The following VAMP1 variants were observed in gnomAD, a reference collection of about 807,000 sequenced individuals.
The protein encoded by VAMP1 is vesicle associated membrane protein 1.
A neutral mutation model predicts 19.1 loss-of-function variants in VAMP1; 16 were observed. The observed-to-expected ratio is 0.84, with a 90% CI of 0.57 to 1.27. The LOEUF is 1.27. Among genes scored for constraint, VAMP1 ranks in the 50% most tolerant of loss-of-function variants. The pLI is 0.00. For synonymous variants in VAMP1, 37 were observed against 50.2 expected (o/e 0.74, Z 1.11); for missense variants, 109 against 145.4 (o/e 0.75, Z 1.29).
At chr12:6,469,675 C>T (rs745550450) in intron 1 of VAMP1, among the ~76,000 whole-genome samples, 2 of 152,128 alleles carry the variant, frequency 1.3e-5, no homozygotes, top group Non-Finnish European at 2.9e-5. Context: ...AGGACCAGGC[C>T]AGGGTAGTAA....
chr12:6,464,664 C>T (rs1949958462), intron 4 of VAMP1, 178 bp from the exon 5 acceptor site: 2 of 1,464,574 alleles, frequency 1.4e-6, no homozygotes, highest in Admixed American at 5.7e-5. Context: ...TTCCTCAGAA[C>T]AGGAGGCGCC....
In VAMP1 at chr12:6,464,335, AAGG is replaced by A; in HGVS notation, c.*132_*134del. The A allele has an allele frequency of 6.5e-7, 1 of 1,550,168 alleles. No homozygotes were observed. Among genetic ancestry groups the A allele is most frequent in the Non-Finnish European group, 8.7e-7 (1 of 1,146,264 alleles). On this transcript the variant is annotated 3_prime_UTR_variant, in exon 5 of 5. Coordinates refer to ENST00000396308, the MANE Select transcript of VAMP1 (RefSeq NM_014231.5). Reference sequence around the variant, plus strand: ...CAGAGTGCAAATGAACGCAACGAAAAAGGAGGAATGGGTGATGGAGAAGCCTGG... The same window carrying A: ...CAGAGTGCAAATGAACGCAACGAAAAAGGAATGGGTGATGGAGAAGCCTGG...
At position 6,463,209 on chromosome 12, in the gene VAMP1, G is replaced by A; in HGVS notation, c.*1261C>T. On this transcript the variant is annotated 3_prime_UTR_variant, in exon 5 of 5. Coordinates refer to ENST00000396308, the MANE Select transcript of VAMP1 (RefSeq NM_014231.5). This position sits in a 1 kb window ranked among gnomAD's most constrained non-coding sequence, Gnocchi z 4.0. ...GCAAAGTAGAATTCAGACAGGAAAG[G>A]GTGGTTCAAAGGGGAATATACTACA... is the stretch of plus-strand genomic sequence containing the variant. 2.8e-6 allele frequency: 4 copies of A among 1,432,140 alleles called. No individual in the cohort carries two copies. Among genetic ancestry groups the A allele is most frequent in the Admixed American group, 2.8e-5 (1 of 35,556 alleles). The allele number at this position is 1,432,140 out of a possible 1,614,324, so 88.7% of individuals were successfully genotyped here.
intron 3 of VAMP1, chr12:6,465,372 A>ATAT (rs56993379): frequency 8.9e-5 from 10 of 112,012 alleles, no homozygotes; most frequent in East Asian, 3.3e-4. Flanking sequence ...ATATATATAT[A>ATAT]AATGTATATA....
At position 6,464,411 on chromosome 12, in the gene VAMP1, A is replaced by C; in HGVS notation, c.*59T>G. On this transcript the variant is annotated 3_prime_UTR_variant, in exon 5 of 5. Coordinates refer to ENST00000396308, the MANE Select transcript of VAMP1 (RefSeq NM_014231.5). ...GGGGAAGTGTGTTGAGAGAGCAAAC[A>C]GAGGGCAGAGGACATGAATGTGGAT... is the stretch of plus-strand genomic sequence containing the variant. 2 of 1,559,120 alleles carry C rather than the reference A, an allele frequency of 1.3e-6. No homozygotes were observed.
At chr12:6,469,477 T>A (rs557450356) in intron 1 of VAMP1, among the ~76,000 whole-genome samples, 2 of 152,314 alleles carry the variant, frequency 1.3e-5, no homozygotes, top group South Asian at 2.1e-4. Context: ...CATATCTGGT[T>A]AAAACCATAG....
chr12:6,462,364 A>G lies in VAMP1; in HGVS notation c.*2106T>C, dbSNP rs1374011778. On this transcript the variant is annotated 3_prime_UTR_variant, in exon 5 of 5. Transcript: ENST00000396308. ...ATACAAGTATGAGATCAGGGTTAGG[A>G]AAAAAAGACAAAGAGGTGATGACAG... 1 of 506,282 alleles carries G rather than the reference A, an allele frequency of 2.0e-6. No homozygotes were observed. Among genetic ancestry groups the G allele is most frequent in the African/African-American group, 1.9e-5 (1 of 51,800 alleles). 31.4% of individuals were successfully genotyped at this position (506,282 alleles called of 1,614,324 possible).
chr12:6,466,079 TCTGGC>T (rs1950017139), intron 2 of VAMP1, 79 bp from the exon 3 acceptor site: 2 of 1,612,204 alleles, frequency 1.2e-6, no homozygotes, highest in Admixed American at 3.3e-5. Context: ...GAATCACAAG[TCTGGC>T]CCTGTGCAAC....
intron 1 of VAMP1, among the ~76,000 whole-genome samples, chr12:6,467,864 G>C (rs1337689200): frequency 2.0e-5 from 3 of 152,242 alleles, no homozygotes; most frequent in African/African-American, 7.2e-5. Flanking sequence ...GGCTTCAGAG[G>C]GTGGAAGCCC....
intron 1 of VAMP1, among the ~76,000 whole-genome samples, chr12:6,468,419 T>G (rs1945684248): frequency 6.6e-6 from 1 of 152,220 alleles, no homozygotes; most frequent in South Asian, 2.1e-4. Flanking sequence ...CAGGACTGTT[T>G]GTTTGCTTTG....
Position 6,463,646 on chromosome 12 carries a change from C to T in VAMP1, c.*824G>A, listed in dbSNP as rs1949935426. 1.8e-6 allele frequency: 2 copies of T among 1,081,356 alleles called. No homozygotes were observed. The highest frequency in any genetic ancestry group is 2.3e-6 in the Non-Finnish European group (2 of 885,998). 67.0% of individuals were successfully genotyped at this position (1,081,356 alleles called of 1,614,324 possible). A position where few individuals can be genotyped will look rare whatever the true frequency, so the allele number is the denominator to read the frequency against. ...CTTTATGCCAACAATTAACTGGGAG[C>T]TAGGTTAAATTATTTGGCTAGATAA... On this transcript the variant is annotated 3_prime_UTR_variant, in exon 5 of 5. Transcript: ENST00000396308. The surrounding 1 kb of genome is among the most constrained non-coding windows in gnomAD (Gnocchi z 4.0).
In VAMP1 at chr12:6,464,923, C is replaced by T. The variant is rs772852206; in HGVS notation, c.307G>A (p.Ala103Thr). ...ACTACCACGATGATGGCACAGATGGCTCCCAGCATGATCATCATCTGAGGA... is the reference window on the plus strand; with the variant it reads ...ACTACCACGATGATGGCACAGATGGTTCCCAGCATGATCATCATCTGAGGA... ...KNCKMMIMLG[A>T]ICAIIVVVIV... Residue 103 changes from alanine (A) to threonine (T), a missense_variant, in exon 4 of 5, where the codon GCC (alanine) becomes ACC (threonine). Physicochemically the swap from Ala to Thr is moderately conservative, Grantham distance 58 (BLOSUM62 0). Transcript: ENST00000396308. The T allele has an allele frequency of 2.7e-5, 43 of 1,613,880 alleles. No homozygotes were observed. The Admixed American group carries it at 7.2e-4, about 27-fold the overall frequency.
chr12:6,466,339 A>AG lies in VAMP1; in HGVS notation c.14dup (p.Gln6SerfsTer5). 6.2e-7 allele frequency: 1 copy of AG among 1,613,686 alleles called. No individual in the cohort carries two copies. On this transcript the variant is annotated frameshift_variant, in exon 2 of 5. Transcript: ENST00000396308. LOFTEE classifies it high-confidence loss of function. The stretch of plus-strand genomic sequence containing the variant: ...CTTCTGTCCCTTCAGCAGGTGGCTG[A>AG]GCTGGAGCAGACCTGTGGAAAGACA...
At chr12:6,467,311 G>GA (rs1234279063) in intron 1 of VAMP1, among the ~76,000 whole-genome samples, 2 of 152,194 alleles carry the variant, frequency 1.3e-5, no homozygotes, top group Non-Finnish European at 2.9e-5. Context: ...GAAAATGCGG[G>GA]AAAGTTTGGA....
chr12:6,467,411 A>G (rs910798167), intron 1 of VAMP1, among the ~76,000 whole-genome samples: 1 of 152,208 alleles, frequency 6.6e-6, no homozygotes, highest in African/African-American at 2.4e-5. Context: ...TCAGATGGAG[A>G]TGAGGAACTT....
intron 1 of VAMP1, among the ~76,000 whole-genome samples, chr12:6,468,798 T>A (rs1202851221): frequency 6.6e-6 from 1 of 152,168 alleles, no homozygotes; most frequent in African/African-American, 2.4e-5. Flanking sequence ...ACCTAAGTCA[T>A]GAGATGTTCT....
chr12:6,466,065 CA>C, intron 2 of VAMP1, 65 bp from the exon 3 acceptor site: 1 of 1,612,096 alleles, frequency 6.2e-7, no homozygotes. Context: ...GGACAACAAC[CA>C]GAGAATCACA....
Position 6,464,260 on chromosome 12 carries a change from C to A in VAMP1, c.*210G>T. ...GGAGGAGGCGCCAGCTGTTGCTCTT[C>A]GGGTAATGACTTAGATTGTGCCACG... is the stretch of plus-strand genomic sequence containing the variant. On this transcript the variant is annotated 3_prime_UTR_variant, in exon 5 of 5. Transcript: ENST00000396308. 2.1e-5 allele frequency: 32 copies of A among 1,532,846 alleles called. No homozygotes were observed. Among genetic ancestry groups the A allele is most frequent in the Non-Finnish European group, 2.7e-5 (31 of 1,139,706 alleles). 95.0% of individuals were successfully genotyped at this position (1,532,846 alleles called of 1,614,324 possible).
intron 4 of VAMP1, 90 bp from the exon 5 acceptor site, chr12:6,464,576 C>T: frequency 6.8e-7 from 1 of 1,463,642 alleles, no homozygotes; most frequent in Non-Finnish European, 9.0e-7. Flanking sequence ...ACCAGACATT[C>T]AGGTCTCTCC....
Sources: gnomAD v4.1 joint callset for allele counts (sites outside exome capture counted in the v4.1 genomes callset) on GRCh38, gnomAD v4.1.1 for gene constraint, Gnocchi (gnomAD v3.1) non-coding constraint, MANE v1.5 for transcripts, NCBI Gene and HGNC (gene_info 2026-07-23, HGNC 2026-07-21) for gene names.